The following VRK2 variants were observed in gnomAD, a reference collection of about 807,000 sequenced individuals.
VRK2 encodes VRK serine/threonine kinase 2.
Under a neutral mutation model 57.6 loss-of-function variants are expected in VRK2, and 60 were observed. The observed-to-expected ratio is 1.04, with a 90% CI of 0.85 to 1.29. The LOEUF is 1.29. Among genes scored for constraint, VRK2 ranks in the 50% most tolerant of loss-of-function variants. The pLI is 0.00. For missense variants in VRK2, 705 were observed against 588.1 expected, an observed-to-expected ratio of 1.20 and a Z score of -2.06; for synonymous variants, 231 against 199.2, an observed-to-expected ratio of 1.16 and a Z score of -1.35.
At chr2:58,111,659 G>A (rs981758757) in intron 7 of VRK2, among the ~76,000 whole-genome samples, 3 of 152,048 alleles carry the variant, frequency 2.0e-5, no homozygotes, top group African/African-American at 7.2e-5. Flanking sequence ...TTACTACAAC[G>A]CAAATAATCA....
intron 8 of VRK2, among the ~76,000 whole-genome samples, chr2:58,125,254 T>C (rs919357164): frequency 6.6e-6 from 1 of 152,130 alleles, no homozygotes; most frequent in Non-Finnish European, 1.5e-5. Context: ...TAGAGTTTTT[T>C]TGTGTTGGTA....
intron 1 of VRK2, among the ~76,000 whole-genome samples, chr2:57,937,820 T>C (rs991733556): frequency 6.9e-6 from 1 of 145,662 alleles, no homozygotes; most frequent in African/African-American, 2.5e-5. Flanking sequence ...TATTATTGTT[T>C]ATCTTTCTTT....
chr2:58,061,129 G>C (rs1206608215), intron 2 of VRK2, among the ~76,000 whole-genome samples: 2 of 151,734 alleles, frequency 1.3e-5, no homozygotes, highest in Admixed American at 1.3e-4. Context: ...TGAATGTAGA[G>C]TTTCATAACA....
intron 2 of VRK2, among the ~76,000 whole-genome samples, chr2:58,081,185 T>A (rs1175262389): frequency 6.6e-6 from 1 of 152,020 alleles, no homozygotes; most frequent in Non-Finnish European, 1.5e-5. Flanking sequence ...GCCAAATCAT[T>A]AAGTTAAACT....
At chr2:58,048,142 G>A (rs1482393511) in intron 1 of VRK2, among the ~76,000 whole-genome samples, 2 of 152,200 alleles carry the variant, frequency 1.3e-5, no homozygotes, top group Non-Finnish European at 2.9e-5. Context: ...GTGCTGTGGA[G>A]ATTATGCTTT....
intron 1 of VRK2, among the ~76,000 whole-genome samples, chr2:57,944,565 T>C (rs1671199278): frequency 6.6e-6 from 1 of 151,952 alleles, no homozygotes; most frequent in African/African-American, 2.4e-5. Flanking sequence ...TGAAACCCCG[T>C]CTCTACTAAA....
At chr2:57,916,883 G>A (rs1442852587) in intron 1 of VRK2, among the ~76,000 whole-genome samples, 1 of 152,114 alleles carries the variant, frequency 6.6e-6, no homozygotes, top group Non-Finnish European at 1.5e-5. Context: ...CTCATTTGTA[G>A]AATAAGGATC....
chr2:58,065,190 G>C (rs1668448805), intron 2 of VRK2, among the ~76,000 whole-genome samples: 1 of 151,812 alleles, frequency 6.6e-6, no homozygotes, highest in African/African-American at 2.4e-5. Flanking sequence ...GTACATTTCT[G>C]TGAATTTTAA....
At chr2:57,978,733 T>C (rs1672324873) in intron 1 of VRK2, among the ~76,000 whole-genome samples, 1 of 150,298 alleles carries the variant, frequency 6.7e-6, no homozygotes, top group African/African-American at 2.5e-5. Context: ...TGCAGGTTTG[T>C]TTCATAGGTA....
rs34988462 is a variant in VRK2 at position 57,916,409 on chromosome 2, GA to G, written c.-439+8585del. 9.9e-4 allele frequency among the ~76,000 whole-genome samples: 131 copies of G among 131,664 alleles called. No individual in the cohort carries two copies. The South Asian group carries it at 0.011, about 11-fold the overall frequency. 86.4% of individuals were successfully genotyped at this position (131,664 alleles called of 152,430 possible). A position where few individuals can be genotyped will look rare whatever the true frequency, so the allele number is the denominator to read the frequency against. ...AACAAGAGCAAAACTTCGTCTCAGA[GA>G]AAAAAAAAAAAAAAGACTACCCCCT... On this transcript the variant is annotated intron_variant, in intron 1 of 15. Transcript: ENST00000417641.
intron 1 of VRK2, among the ~76,000 whole-genome samples, chr2:58,003,982 C>T (rs1673167183): frequency 6.6e-6 from 1 of 152,042 alleles, no homozygotes; most frequent in African/African-American, 2.4e-5. Flanking sequence ...GATACCATTC[C>T]TAATTCCAGA....
chr2:57,939,594 T>C (rs1344617835), intron 1 of VRK2, among the ~76,000 whole-genome samples: 1 of 152,204 alleles, frequency 6.6e-6, no homozygotes, highest in Non-Finnish European at 1.5e-5. Context: ...AAGCATATAG[T>C]GCTATAAAAA....
chr2:57,919,321 A>G (rs560908432), intron 1 of VRK2, among the ~76,000 whole-genome samples: 1 of 152,262 alleles, frequency 6.6e-6, no homozygotes. Flanking sequence ...TATAAGAAAT[A>G]TAAACAATAT....
At chr2:58,148,044 T>C (rs1305515126) in intron 12 of VRK2, among the ~76,000 whole-genome samples, 2 of 151,812 alleles carry the variant, frequency 1.3e-5, no homozygotes, top group Non-Finnish European at 2.9e-5. Flanking sequence ...ACATGTTTCA[T>C]TTCTCCTGAG....
intron 2 of VRK2, among the ~76,000 whole-genome samples, chr2:58,060,949 C>A (rs1558580915): frequency 6.6e-6 from 1 of 151,692 alleles, no homozygotes; most frequent in Non-Finnish European, 1.5e-5. Context: ...TCTTAGTAAA[C>A]CTGAAATCAT....
intron 2 of VRK2, among the ~76,000 whole-genome samples, chr2:58,062,638 C>T (rs1224652618): frequency 1.3e-5 from 2 of 152,068 alleles, no homozygotes; most frequent in Non-Finnish European, 2.9e-5. Context: ...CCACAACATT[C>T]CCTTAAGCCA....
At chr2:58,066,872 G>T (rs1668679711) in intron 2 of VRK2, among the ~76,000 whole-genome samples, 1 of 152,144 alleles carries the variant, frequency 6.6e-6, no homozygotes, top group Non-Finnish European at 1.5e-5. Context: ...AACTTGATTG[G>T]ATTGAAGGAT....
intron 12 of VRK2, among the ~76,000 whole-genome samples, chr2:58,150,695 T>C (rs1201022238): frequency 6.6e-6 from 1 of 151,416 alleles, no homozygotes; most frequent in Non-Finnish European, 1.5e-5. Flanking sequence ...TAATTTATTC[T>C]TTCAAGCTTC....
At chr2:58,073,887 T>G (rs1243349378) in intron 2 of VRK2, among the ~76,000 whole-genome samples, 1 of 151,966 alleles carries the variant, frequency 6.6e-6, no homozygotes, top group Non-Finnish European at 1.5e-5. Flanking sequence ...CACATTCTTC[T>G]GCCTGCTTTT....
Sources: gnomAD v4.1 joint callset for allele counts (sites outside exome capture counted in the v4.1 genomes callset) on GRCh38, gnomAD v4.1.1 for gene constraint, MANE v1.5 for transcripts, NCBI Gene and HGNC (gene_info 2026-07-23, HGNC 2026-07-21) for gene names.